FKBP15: variants seen among roughly 807,000 people sequenced by gnomAD.
FKBP15 encodes FKBP prolyl isomerase family member 15, also known as FK506-binding protein 15.
In FKBP15, 106 loss-of-function variants were observed where a neutral mutation model predicts 158.1. The observed-to-expected ratio is 0.67, with a 90% CI of 0.57 to 0.79. The LOEUF (loss-of-function observed/expected upper bound fraction) is 0.79, where lower values mean the gene tolerates loss of function less well. FKBP15 is among the 30% of genes least tolerant of loss of function. The pLI is 0.00. For synonymous variants in FKBP15, 547 were observed against 548.6 expected, an observed-to-expected ratio of 1.00 and a Z score of 0.04; for missense variants, 1,287 against 1,479.1, an observed-to-expected ratio of 0.87 and a Z score of 2.13.
Position 113,199,932 on chromosome 9 carries a change from G to A in FKBP15, c.530C>T (p.Ser177Phe), listed in dbSNP as rs751808474. 5.0e-6 allele frequency: 8 copies of A among 1,613,234 alleles called. No homozygotes were observed. Among genetic ancestry groups the A allele is most frequent in the African/African-American group, 4.0e-5 (3 of 74,910 alleles). Reference sequence around the variant, plus strand: ...GTCCTGGGAGAGCACTGCATCCAGGGAAGAGGTACTGTTGCACTTAGCAAT... The same window carrying A: ...GTCCTGGGAGAGCACTGCATCCAGGAAAGAGGTACTGTTGCACTTAGCAAT... ...VCIAKCNSTSSLDAVLSQDLI... is the reference protein window; with the variant it reads ...VCIAKCNSTSFLDAVLSQDLI... The change falls in exon 7 of 28, where the codon TCC becomes TTC. Residue 177 changes from serine (S) to phenylalanine (F), a missense_variant. Coordinates refer to ENST00000238256, the MANE Select transcript of FKBP15 (RefSeq NM_015258.2).
intron 1 of FKBP15, among the ~76,000 whole-genome samples, chr9:113,220,986 G>C (rs1317121512): frequency 6.6e-6 from 1 of 152,192 alleles, no homozygotes; most frequent in Non-Finnish European, 1.5e-5. Flanking sequence ...CCCGCCAAGA[G>C]AGATGCCGGG....
At chr9:113,166,903 A>G (rs1173396337) in intron 27 of FKBP15, among the ~76,000 whole-genome samples, 2 of 152,214 alleles carry the variant, frequency 1.3e-5, no homozygotes, top group Non-Finnish European at 2.9e-5. Flanking sequence ...ACAGACAGGC[A>G]CGAACTGAAT....
intron 4 of FKBP15, among the ~76,000 whole-genome samples, chr9:113,203,554 G>A (rs1444065733): frequency 6.7e-6 from 1 of 150,210 alleles, no homozygotes; most frequent in East Asian, 2.0e-4. Flanking sequence ...TTTTGAGACA[G>A]AGTCTCTCTG....
chr9:113,199,719 A>G lies in FKBP15; in HGVS notation c.648+95T>C. On this transcript the variant is annotated intron_variant, in intron 7 of 27. Transcript: ENST00000238256. ...GGGGATCCTAAAATATTTCTATTTGACAACAGCAGCCGTTCACAGTAATAG... is the reference window on the plus strand; with the variant it reads ...GGGGATCCTAAAATATTTCTATTTGGCAACAGCAGCCGTTCACAGTAATAG... 3.1e-6 allele frequency: 4 copies of G among 1,281,100 alleles called. No homozygotes were observed. In the South Asian group the frequency reaches 6.3e-5, roughly 20 times the overall value. The allele number at this position is 1,281,100 out of a possible 1,614,324, so 79.4% of individuals were successfully genotyped here. A position where few individuals can be genotyped will look rare whatever the true frequency, so the allele number is the denominator to read the frequency against.
rs149524919 is a variant in FKBP15 at position 113,162,599 on chromosome 9, G to C, written c.*3479C>G. ...TTTTTCTGGGGGCGGGGGTGGGAGG[G>C]GCAGAAAGAAATCACTCCTGGGTTA... On this transcript the variant is annotated 3_prime_UTR_variant, in exon 28 of 28. Transcript: ENST00000238256. The C allele has an allele frequency of 1.1e-5, 7 of 633,638 alleles. No individual in the cohort carries two copies. The highest frequency in any genetic ancestry group is 1.6e-5 in the Non-Finnish European group (6 of 385,506). 39.3% of individuals were successfully genotyped at this position (633,638 alleles called of 1,614,324 possible). A position where few individuals can be genotyped will look rare whatever the true frequency, so the allele number is the denominator to read the frequency against.
At chr9:113,185,462 A>G (rs1200940138) in intron 15 of FKBP15, among the ~76,000 whole-genome samples, 1 of 152,232 alleles carries the variant, frequency 6.6e-6, no homozygotes, top group Non-Finnish European at 1.5e-5. Flanking sequence ...TAAAGGCTGC[A>G]TTCAGGAAAT....
At chr9:113,207,035 G>A in intron 3 of FKBP15, 177 bp downstream of exon 3, 2 of 583,144 alleles carry the variant, frequency 3.4e-6, no homozygotes, top group South Asian at 2.1e-5. Flanking sequence ...CAAGATAATG[G>A]CTTTTCAAGT....
rs1830088497 is a variant in FKBP15 at position 113,165,784 on chromosome 9, C to T, written c.*294G>A. 6.6e-6 allele frequency: 2 copies of T among 301,404 alleles called. No individual in the cohort carries two copies. Among genetic ancestry groups the T allele is most frequent in the Non-Finnish European group, 1.3e-5 (2 of 154,146 alleles). The allele number at this position is 301,404 out of a possible 1,614,324, so 18.7% of individuals were successfully genotyped here. On this transcript the variant is annotated 3_prime_UTR_variant, in exon 28 of 28. Transcript: ENST00000238256. ...AGAGTTAATGAAGAGATTAAAAAGT[C>T]TGGCAGAGGACAGGACTCTTACAGG...
At chr9:113,168,991 T>TGCCCGCCACACTACCGCAGG (rs1488077796) in intron 26 of FKBP15, among the ~76,000 whole-genome samples, 72,208 of 145,630 alleles carry the variant, frequency 0.5, 18,666 homozygotes, top group Non-Finnish European at 0.57. Flanking sequence ...ACTACCACAG[T>TGCCCGCCACACTACCGCAGG]GCCCGCCACA....
At chr9:113,192,032 G>T (rs1006398418) in intron 11 of FKBP15, among the ~76,000 whole-genome samples, 1 of 133,060 alleles carries the variant, frequency 7.5e-6, no homozygotes, top group African/African-American at 2.9e-5. Context: ...AAACAAATTT[G>T]TTTAAAAAAA....
Position 113,203,022 on chromosome 9 carries a change from A to G in FKBP15, c.338T>C (p.Leu113Pro). The change falls in exon 5 of 28, where the codon CTT becomes CCT. Residue 113 changes from leucine (L) to proline (P), a missense_variant. By Grantham distance (98) the Leu-to-Pro change is moderately conservative (BLOSUM62 -3). Coordinates refer to ENST00000238256, the MANE Select transcript of FKBP15 (RefSeq NM_015258.2). ...AACTGGCTGTTGTTGACTGATATAAAGAAGAATCCTATACTGTAGACAAGC... is the reference window on the plus strand; with the variant it reads ...AACTGGCTGTTGTTGACTGATATAAGGAAGAATCCTATACTGTAGACAAGC... ...NHTAREYRIL[L>P]YISQQQPVTV... 1 of 1,611,918 alleles carries G rather than the reference A, an allele frequency of 6.2e-7. No homozygotes were observed. The highest frequency in any genetic ancestry group is 8.5e-7 in the Non-Finnish European group (1 of 1,178,888).
At chr9:113,205,654 T>G (rs188184604) in intron 4 of FKBP15, among the ~76,000 whole-genome samples, 1 of 152,312 alleles carries the variant, frequency 6.6e-6, no homozygotes, top group East Asian at 1.9e-4. Flanking sequence ...GAGTCAGCAA[T>G]TTCCACTCTT....
In FKBP15 at chr9:113,161,247, G is replaced by C. The variant is rs1032621015; in HGVS notation, c.*4831C>G. ...CACGACAGATTTGTGCAGCCTGCTG[G>C]GGGAGTGGGTGGGGTAATGGTACGT... On this transcript the variant is annotated 3_prime_UTR_variant, in exon 28 of 28. Coordinates refer to ENST00000238256, the MANE Select transcript of FKBP15 (RefSeq NM_015258.2). 20 of 482,164 alleles carry C rather than the reference G, an allele frequency of 4.1e-5. No homozygotes were observed. Among genetic ancestry groups the C allele is most frequent in the African/African-American group, 3.4e-4 (17 of 50,668 alleles). 29.9% of individuals were successfully genotyped at this position (482,164 alleles called of 1,614,324 possible). A position where few individuals can be genotyped will look rare whatever the true frequency, so the allele number is the denominator to read the frequency against.
In FKBP15 at chr9:113,180,722, A is replaced by C. The variant is rs185717006; in HGVS notation, c.1915-1921T>G. ...TCCTATGCAGGTCTTTTACCCTTTC[A>C]TTCTCTGATCCTTGGTCTGTCCCTG... On this transcript the variant is annotated intron_variant, in intron 19 of 27. Transcript: ENST00000238256. 1.5e-3 allele frequency among the ~76,000 whole-genome samples: 226 copies of C among 152,322 alleles called. 1 individual carries two copies. The highest frequency in any genetic ancestry group is 4.9e-3 in the African/African-American group (204 of 41,588).
chr9:113,216,975 G>A (rs553740698), intron 1 of FKBP15, among the ~76,000 whole-genome samples: 86 of 147,276 alleles, frequency 5.8e-4, no homozygotes, highest in African/African-American at 1.7e-3. Context: ...GCAGGATCTC[G>A]GCTGTGCAAC....
Position 113,174,519 on chromosome 9 carries a change from T to C in FKBP15, c.2288A>G (p.Glu763Gly), listed in dbSNP as rs1426345142. ...ERSQAEEEID[E>G]IRKSYQEELD... ...TTCCTCCTGGTATGACTTGCGAATT[T>C]CATCTATCTCCTCCTCGGCCTGAGA... The change falls in exon 22 of 28, where the codon GAA becomes GGA. Residue 763 changes from glutamate (E) to glycine (G), a missense_variant. Coordinates refer to ENST00000238256, the MANE Select transcript of FKBP15 (RefSeq NM_015258.2). 1 of 1,614,044 alleles carries C rather than the reference T, an allele frequency of 6.2e-7. No individual in the cohort carries two copies. Among genetic ancestry groups the C allele is most frequent in the Non-Finnish European group, 8.5e-7 (1 of 1,179,896 alleles).
intron 6 of FKBP15, among the ~76,000 whole-genome samples, chr9:113,200,701 T>G (rs1455430101): frequency 6.6e-6 from 1 of 152,186 alleles, no homozygotes; most frequent in African/African-American, 2.4e-5. Context: ...CCCAATTTTA[T>G]CAGTGTTTTA....
Position 113,184,484 on chromosome 9 carries a change from G to A in FKBP15, c.1609-85C>T. The A allele has an allele frequency of 8.9e-7, 1 of 1,126,160 alleles. No individual in the cohort carries two copies. Among genetic ancestry groups the A allele is most frequent in the Non-Finnish European group, 1.3e-6 (1 of 765,604 alleles). The allele number at this position is 1,126,160 out of a possible 1,614,324, so 69.8% of individuals were successfully genotyped here. ...ACCCAAGATTTGACCCTGTTGTTAA[G>A]GGGGTTAATGAGTTCCTGGGACAAT... is the stretch of plus-strand genomic sequence containing the variant. On this transcript the variant is annotated intron_variant, in intron 16 of 27. Coordinates refer to ENST00000238256, the MANE Select transcript of FKBP15 (RefSeq NM_015258.2). This position sits in a 1 kb window ranked among gnomAD's most constrained non-coding sequence, Gnocchi z 4.5.
Position 113,184,243 on chromosome 9 carries a change from G to T in FKBP15, c.1716+49C>A. 7.7e-7 allele frequency: 1 copy of T among 1,302,672 alleles called. No homozygotes were observed. The highest frequency in any genetic ancestry group is 1.1e-6 in the Non-Finnish European group (1 of 918,906). The allele number at this position is 1,302,672 out of a possible 1,614,324, so 80.7% of individuals were successfully genotyped here. ...AAAGAGTAGTACCTCTGAGAAGAGA[G>T]GATGGGTAAGACCTTCAGCCTGAGT... On this transcript the variant is annotated intron_variant, in intron 17 of 27. Transcript: ENST00000238256. The surrounding 1 kb of genome is among the most constrained non-coding windows in gnomAD (Gnocchi z 4.5).
Sources: gnomAD v4.1 joint callset for allele counts (sites outside exome capture counted in the v4.1 genomes callset) on GRCh38, gnomAD v4.1.1 for gene constraint, Gnocchi (gnomAD v3.1) non-coding constraint, MANE v1.5 for transcripts, NCBI Gene and HGNC (gene_info 2026-07-23, HGNC 2026-07-21) for gene names.